RABEP1: variants seen among roughly 807,000 people sequenced by gnomAD.
The protein encoded by RABEP1 is rab GTPase-binding effector protein 1.
A neutral mutation model predicts 123.4 loss-of-function variants in RABEP1; 51 were observed. The observed-to-expected ratio is 0.41, with a 90% CI of 0.33 to 0.52. The LOEUF (loss-of-function observed/expected upper bound fraction) is 0.52, where lower values mean the gene tolerates loss of function less well. Among genes scored for constraint, RABEP1 ranks in the 20% least tolerant of loss-of-function variants. The probability of loss-of-function intolerance (pLI) is 0.16; values close to 1 mark genes in which losing one functional copy is unlikely to be tolerated. For synonymous variants in RABEP1, 347 were observed against 355.2 expected, an observed-to-expected ratio of 0.98 and a Z score of 0.26; for missense variants, 888 against 996.3, an observed-to-expected ratio of 0.89 and a Z score of 1.46.
intron 4 of RABEP1, among the ~76,000 whole-genome samples, chr17:5,337,452 G>A (rs944937904): frequency 6.6e-5 from 10 of 152,214 alleles, no homozygotes; most frequent in South Asian, 2.1e-4. Context: ...TTGGGAGGCC[G>A]AGGCGGGCGG....
chr17:5,306,118 T>TA, intron 1 of RABEP1, among the ~76,000 whole-genome samples: 1 of 152,312 alleles, frequency 6.6e-6, no homozygotes, highest in East Asian at 1.9e-4. Flanking sequence ...AAAATGCATT[T>TA]AATATACCTA....
At chr17:5,357,261 G>C (rs1909106206) in intron 8 of RABEP1, among the ~76,000 whole-genome samples, 2 of 152,278 alleles carry the variant, frequency 1.3e-5, no homozygotes, top group South Asian at 4.1e-4. Context: ...CTACTCTAAG[G>C]TTTTGGCACA....
intron 1 of RABEP1, among the ~76,000 whole-genome samples, chr17:5,300,326 C>T (rs139323549): frequency 6.6e-6 from 1 of 152,092 alleles, no homozygotes; most frequent in East Asian, 1.9e-4. Flanking sequence ...TGCAGAATGT[C>T]CCTAAATTGG....
Position 5,386,270 on chromosome 17 carries a change from CTGTAAAAT to C in RABEP1, c.*3054_*3061del. 2 of 1,604,878 alleles carry C rather than the reference CTGTAAAAT, an allele frequency of 1.2e-6. No homozygotes were observed. The highest frequency in any genetic ancestry group is 1.7e-6 in the Non-Finnish European group (2 of 1,176,198). On this transcript the variant is annotated 3_prime_UTR_variant, in exon 18 of 18. Transcript: ENST00000537505. The stretch of plus-strand genomic sequence containing the variant: ...CACCATTTCCCTTATATGTTCACCC[CTGTAAAAT>C]TGTAAAGTCACTCACTTTTGGAATT...
At chr17:5,340,662 C>G (rs1360632472) in intron 5 of RABEP1, among the ~76,000 whole-genome samples, 1 of 142,294 alleles carries the variant, frequency 7.0e-6, no homozygotes, top group Non-Finnish European at 1.5e-5. Flanking sequence ...AAAGTACAAA[C>G]TGAGCCGGGC....
At chr17:5,349,259 A>G (rs980074824) in intron 6 of RABEP1, among the ~76,000 whole-genome samples, 1 of 152,204 alleles carries the variant, frequency 6.6e-6, no homozygotes, top group Non-Finnish European at 1.5e-5. Context: ...GGAGGGCAAG[A>G]CTGAGGGCAG....
intron 8 of RABEP1, among the ~76,000 whole-genome samples, chr17:5,357,590 C>T (rs1909138947): frequency 6.6e-6 from 1 of 152,030 alleles, no homozygotes; most frequent in Admixed American, 6.5e-5. Flanking sequence ...AGGCTGGTCT[C>T]GAACTCCTGG....
chr17:5,331,299 A>C (rs1160039630), intron 2 of RABEP1, among the ~76,000 whole-genome samples: 1 of 152,166 alleles, frequency 6.6e-6, no homozygotes, highest in South Asian at 2.1e-4. Context: ...AAGAATTTTT[A>C]AAAGATGGAA....
intron 1 of RABEP1, among the ~76,000 whole-genome samples, chr17:5,298,024 A>G (rs1224786580): frequency 6.6e-6 from 1 of 152,114 alleles, no homozygotes; most frequent in Non-Finnish European, 1.5e-5. Context: ...CATACAGTTA[A>G]TCTCCTTCAT....
At chr17:5,292,461 C>T (rs2075042713) in intron 1 of RABEP1, among the ~76,000 whole-genome samples, 1 of 151,962 alleles carries the variant, frequency 6.6e-6, no homozygotes, top group Non-Finnish European at 1.5e-5. Context: ...GATCTTGGCT[C>T]ACTGCTACCT....
intron 1 of RABEP1, among the ~76,000 whole-genome samples, chr17:5,292,495 C>T (rs1054311020): frequency 6.6e-6 from 1 of 152,010 alleles, no homozygotes. Flanking sequence ...TCAAGCAGTT[C>T]TGCCTCGGCC....
intron 1 of RABEP1, among the ~76,000 whole-genome samples, chr17:5,293,561 C>T (rs2075053006): frequency 6.6e-6 from 1 of 152,118 alleles, no homozygotes; most frequent in Middle Eastern, 3.2e-3. Context: ...CACATGCCAC[C>T]ATGCCTAGGT....
At chr17:5,381,155 C>T (rs945252589) in intron 16 of RABEP1, among the ~76,000 whole-genome samples, 1 of 152,152 alleles carries the variant, frequency 6.6e-6, no homozygotes, top group Admixed American at 6.5e-5. Flanking sequence ...GAGGGCAGCA[C>T]TTTAATCCAT....
intron 5 of RABEP1, among the ~76,000 whole-genome samples, chr17:5,344,765 C>G (rs1369855689): frequency 1.1e-5 from 1 of 93,690 alleles, no homozygotes. Context: ...GAGCAAGACA[C>G]TGTCTCAAAA....
intron 11 of RABEP1, among the ~76,000 whole-genome samples, chr17:5,366,505 G>A (rs1430398531): frequency 6.6e-6 from 1 of 152,066 alleles, no homozygotes; most frequent in African/African-American, 2.4e-5. Flanking sequence ...GAGTGCAGTG[G>A]TGCAACTTCG....
rs1906931916 is a variant in RABEP1, at chr17:5,335,051, CTTGT to C, written c.368-130_368-127del. On this transcript the variant is annotated intron_variant, in intron 3 of 17. Transcript: ENST00000537505. ...ATAATAAGAACTACAACTAGTTTGT[CTTGT>C]TTTTTAGTGAATTAAACATTTTCCA... The C allele has an allele frequency of 6.0e-6, 4 of 668,510 alleles. No individual in the cohort carries two copies. In the South Asian group the frequency reaches 7.7e-5, roughly 13 times the overall value. 41.4% of individuals were successfully genotyped at this position (668,510 alleles called of 1,614,324 possible).
chr17:5,348,395 A>G (rs1001840496), intron 6 of RABEP1, among the ~76,000 whole-genome samples: 1 of 152,220 alleles, frequency 6.6e-6, no homozygotes, highest in African/African-American at 2.4e-5. Flanking sequence ...TGATGCAGCT[A>G]GGTAAGGAAG....
intron 17 of RABEP1, 34 bp downstream of exon 17, chr17:5,381,539 A>G (rs1911452228): frequency 6.3e-7 from 1 of 1,599,366 alleles, no homozygotes; most frequent in East Asian, 2.3e-5. Flanking sequence ...ACAGAGCACG[A>G]AGGCAGTTTT....
At chr17:5,293,632 C>T (rs2075053741) in intron 1 of RABEP1, among the ~76,000 whole-genome samples, 1 of 152,082 alleles carries the variant, frequency 6.6e-6, no homozygotes, top group Non-Finnish European at 1.5e-5. Context: ...GTCTCAAACT[C>T]CTGGGCTCAA....
Sources: allele counts gnomAD v4.1 joint callset (sites outside exome capture counted in the v4.1 genomes callset), GRCh38; gene constraint gnomAD v4.1.1; transcripts MANE v1.5; gene names NCBI Gene and HGNC (gene_info 2026-07-23, HGNC 2026-07-21).